UQCRB: variants seen among roughly 807,000 people sequenced by gnomAD.
UQCRB encodes cytochrome b-c1 complex subunit 7.
Under a neutral mutation model 19.8 loss-of-function variants are expected in UQCRB, and 12 were observed. That is an observed-to-expected ratio of 0.61 (90% CI 0.39 to 0.98). The LOEUF is 0.98. Ranked by LOEUF, UQCRB falls within the 50% of genes least tolerant of loss-of-function variation. The pLI, the probability that UQCRB is intolerant of heterozygous loss-of-function variation, is 0.00. For missense variants in UQCRB, 142 were observed against 131.8 expected, an observed-to-expected ratio of 1.08 and a Z score of -0.38; for synonymous variants, 39 against 42.9, an observed-to-expected ratio of 0.91 and a Z score of 0.35.
chr8:96,235,431 A>G (rs951325277), intron 1 of UQCRB, 81 bp downstream of exon 1: 40 of 1,599,668 alleles, frequency 2.5e-5, no homozygotes, highest in Non-Finnish European at 3.3e-5. Context: ...CTTACAAAGA[A>G]GAGAGAAAAC....
chr8:96,233,085 T>A (rs1172058979), intron 2 of UQCRB, 71 bp downstream of exon 2: 213 of 1,472,180 alleles, frequency 1.4e-4, no homozygotes, highest in Admixed American at 1.3e-3. Flanking sequence ...AGCAATACTC[T>A]CAGAAAAACA....
Position 96,223,211 on chromosome 8 carries a change from G to T in UQCRB, c.*7844C>A, listed in dbSNP as rs1024469454. ...CACACATACACAAAGTACTATCGTG[G>T]TAATGGATATTTTAATTTGCTTGCC... On this transcript the variant is annotated 3_prime_UTR_variant, in exon 4 of 4. Coordinates refer to ENST00000287022, the MANE Select transcript of UQCRB (RefSeq NM_006294.5). Among the ~76,000 whole-genome samples, 6 of 152,162 alleles carry T rather than the reference G, an allele frequency of 3.9e-5. No individual in the cohort carries two copies. The highest frequency in any genetic ancestry group is 3.9e-4 in the Admixed American group (6 of 15,282).
rs1024768063 is a variant in UQCRB at position 96,230,167 on chromosome 8, C to T, written c.*888G>A. ...CTAGGCTCACTGCAACCTCCACCTC[C>T]TGGGGTCAAGCAATTCTCCTCCCTC... On this transcript the variant is annotated 3_prime_UTR_variant, in exon 4 of 4. Coordinates refer to ENST00000287022, the MANE Select transcript of UQCRB (RefSeq NM_006294.5). The T allele has an allele frequency of 2.2e-6, 1 of 453,196 alleles. No individual in the cohort carries two copies. The highest frequency in any genetic ancestry group is 2.0e-5 in the African/African-American group (1 of 49,972). 28.1% of individuals were successfully genotyped at this position (453,196 alleles called of 1,614,324 possible). A position where few individuals can be genotyped will look rare whatever the true frequency, so the allele number is the denominator to read the frequency against.
In UQCRB at chr8:96,231,294, C is replaced by T. The variant is rs528481041; in HGVS notation, c.259-162G>A. ...CTATCTGCTTTTTAAAATGTCAAATCTGTGGTGATGGTGTGATAAGTTGCT... is the reference window on the plus strand; with the variant it reads ...CTATCTGCTTTTTAAAATGTCAAATTTGTGGTGATGGTGTGATAAGTTGCT... On this transcript the variant is annotated intron_variant, in intron 3 of 3. Coordinates refer to ENST00000287022, the MANE Select transcript of UQCRB (RefSeq NM_006294.5). The T allele has an allele frequency of 1.9e-6, 3 of 1,556,134 alleles. No individual in the cohort carries two copies. The Admixed American group carries it at 5.8e-5, about 30-fold the overall frequency.
At chr8:96,233,330 C>T in intron 1 of UQCRB, 103 bp from the exon 2 acceptor site, 1 of 1,040,874 alleles carries the variant, frequency 9.6e-7, no homozygotes, top group Middle Eastern at 2.1e-4. Context: ...TGAATGCAAA[C>T]ATAGAAATAA....
At chr8:96,232,629 G>C (rs1809702637) in intron 2 of UQCRB, 1 of 156,554 alleles carries the variant, frequency 6.4e-6, no homozygotes, top group Non-Finnish European at 1.4e-5. Context: ...CCTGAGGTCA[G>C]GAGTTTGCGA....
At position 96,228,873 on chromosome 8, in the gene UQCRB, C is replaced by T. The variant is rs1209983220; in HGVS notation, c.*2182G>A. The T allele has an allele frequency of 6.6e-6, 3 of 454,062 alleles. No homozygotes were observed. The highest frequency in any genetic ancestry group is 3.1e-5 in the South Asian group (2 of 64,478). 28.1% of individuals were successfully genotyped at this position (454,062 alleles called of 1,614,324 possible). A position where few individuals can be genotyped will look rare whatever the true frequency, so the allele number is the denominator to read the frequency against. On this transcript the variant is annotated 3_prime_UTR_variant, in exon 4 of 4. Coordinates refer to ENST00000287022, the MANE Select transcript of UQCRB (RefSeq NM_006294.5). Reference sequence around the variant, plus strand: ...GACTACAGGACAATGTAGATTTGGTCTACAGGACAATGCAGAGTGCCTGTG... The same window carrying T: ...GACTACAGGACAATGTAGATTTGGTTTACAGGACAATGCAGAGTGCCTGTG...
intron 2 of UQCRB, chr8:96,232,338 G>C (rs770733209): frequency 1.9e-5 from 4 of 208,054 alleles, no homozygotes; most frequent in Non-Finnish European, 4.0e-5. Flanking sequence ...CTGAGATCAA[G>C]GTATTAAAGA....
rs1370517255 is a variant in UQCRB at position 96,228,111 on chromosome 8, A to C, written c.*2944T>G. 4 of 454,034 alleles carry C rather than the reference A, an allele frequency of 8.8e-6. No homozygotes were observed. The highest frequency in any genetic ancestry group is 2.3e-5 in the Admixed American group (1 of 42,562). The allele number at this position is 454,034 out of a possible 1,614,324, so 28.1% of individuals were successfully genotyped here. ...CAAGTGATACTAGGTAGTGCACTAC[A>C]ACAGTGAACATAAGCCAGCCATCTG... On this transcript the variant is annotated 3_prime_UTR_variant, in exon 4 of 4. Transcript: ENST00000287022.
At chr8:96,231,509 C>T (rs1385773081) in intron 3 of UQCRB, 1 of 1,531,496 alleles carries the variant, frequency 6.5e-7, no homozygotes, top group Admixed American at 2.0e-5. Context: ...GCTGGAACAG[C>T]AAAGACCTGG....
rs950569673 is a variant in UQCRB at position 96,223,689 on chromosome 8, G to T, written c.*7366C>A. On this transcript the variant is annotated 3_prime_UTR_variant, in exon 4 of 4. Transcript: ENST00000287022. ...ATTGCAAGTGCCATTGCAGGGGACT[G>T]AGAATAGAAGGAAAAAAGGTTAGAG... Among the ~76,000 whole-genome samples, 5 of 152,318 alleles carry T rather than the reference G, an allele frequency of 3.3e-5. No individual in the cohort carries two copies. The highest frequency in any genetic ancestry group is 1.2e-4 in the African/African-American group (5 of 41,570).
At position 96,223,065 on chromosome 8, in the gene UQCRB, TAC is replaced by T. The variant is rs34336471; in HGVS notation, c.*7988_*7989del. Among the ~76,000 whole-genome samples the T allele has an allele frequency of 0.22, 33,089 of 151,962 alleles. 5,363 individuals are homozygous for T. Among genetic ancestry groups the T allele is most frequent in the African/African-American group, 0.46 (19,169 of 41,356 alleles). On this transcript the variant is annotated 3_prime_UTR_variant, in exon 4 of 4. Transcript: ENST00000287022. ...AAATGGGGAGAGGTAGGTCAAAGGA[TAC>T]ACAAACTTGCAATTATACAAGATGA...
rs1809608107 is a variant in UQCRB, at chr8:96,229,479, T to C, written c.*1576A>G. On this transcript the variant is annotated 3_prime_UTR_variant, in exon 4 of 4. Transcript: ENST00000287022. Reference sequence around the variant, plus strand: ...TCCTTGTAATTGTGCACAGTAGACGTCTGAACGAATAGACCAGAGTCCTGC... The same window carrying C: ...TCCTTGTAATTGTGCACAGTAGACGCCTGAACGAATAGACCAGAGTCCTGC... 2.2e-6 allele frequency: 1 copy of C among 454,000 alleles called. No homozygotes were observed. The highest frequency in any genetic ancestry group is 2.0e-5 in the African/African-American group (1 of 49,992). The allele number at this position is 454,000 out of a possible 1,614,324, so 28.1% of individuals were successfully genotyped here.
Position 96,224,864 on chromosome 8 carries a change from G to A in UQCRB, c.*6191C>T, listed in dbSNP as rs996265663. Among the ~76,000 whole-genome samples the A allele has an allele frequency of 1.3e-5, 2 of 152,134 alleles. No homozygotes were observed. Among genetic ancestry groups the A allele is most frequent in the African/African-American group, 4.8e-5 (2 of 41,398 alleles). ...GGACTTCTCAAAGCATGACCTCAGA[G>A]GCAAAACCACAGAGGAGAGGACTGA... On this transcript the variant is annotated 3_prime_UTR_variant, in exon 4 of 4. Coordinates refer to ENST00000287022, the MANE Select transcript of UQCRB (RefSeq NM_006294.5).
intron 1 of UQCRB, chr8:96,233,548 G>C (rs1037073600): frequency 3.5e-6 from 1 of 286,574 alleles, no homozygotes; most frequent in Admixed American, 4.9e-5. Context: ...TAGGTACATC[G>C]TGTGCCCTTA....
intron 1 of UQCRB, chr8:96,233,471 G>T: frequency 4.3e-6 from 2 of 467,726 alleles, no homozygotes; most frequent in South Asian, 2.6e-5. Context: ...AAAAGTGGTT[G>T]CAGGAAAATG....
intron 2 of UQCRB, chr8:96,232,877 T>C (rs1293114692): frequency 1.0e-5 from 3 of 301,234 alleles, no homozygotes; most frequent in African/African-American, 2.2e-5. Context: ...AGTGGAAGAG[T>C]TGGGAAAGGG....
At position 96,223,445 on chromosome 8, in the gene UQCRB, A is replaced by G. The variant is rs558950657; in HGVS notation, c.*7610T>C. Among the ~76,000 whole-genome samples, 1 of 152,366 alleles carries G rather than the reference A, an allele frequency of 6.6e-6. No homozygotes were observed. The highest frequency in any genetic ancestry group is 1.9e-4 in the East Asian group (1 of 5,188). On this transcript the variant is annotated 3_prime_UTR_variant, in exon 4 of 4. Coordinates refer to ENST00000287022, the MANE Select transcript of UQCRB (RefSeq NM_006294.5). ...TTGTGCTCACCTTGGAAAAATTTTCAAGGAATAAATGAAACCTGAAATGGC... is the reference window on the plus strand; with the variant it reads ...TTGTGCTCACCTTGGAAAAATTTTCGAGGAATAAATGAAACCTGAAATGGC...
intron 3 of UQCRB, chr8:96,231,395 T>G: frequency 3.3e-6 from 5 of 1,538,268 alleles, no homozygotes; most frequent in Non-Finnish European, 4.4e-6. Context: ...CTAGTTTCAA[T>G]GCAGTTCAAG....
Sources: allele counts gnomAD v4.1 joint callset (sites outside exome capture counted in the v4.1 genomes callset), GRCh38; gene constraint gnomAD v4.1.1; transcripts MANE v1.5; gene names NCBI Gene and HGNC (gene_info 2026-07-23, HGNC 2026-07-21).